The following NTNG1 variants were observed in gnomAD, a reference collection of about 807,000 sequenced individuals.
NTNG1 encodes the protein netrin-G1.
Under a neutral mutation model 54.0 loss-of-function variants are expected in NTNG1, and 16 were observed. That is an observed-to-expected ratio of 0.30 (90% CI 0.20 to 0.45). The LOEUF is 0.45. NTNG1 is among the 20% of genes least tolerant of loss of function. The pLI, the probability that NTNG1 is intolerant of heterozygous loss-of-function variation, is 1.00. For synonymous variants in NTNG1, 255 were observed against 263.1 expected (o/e 0.97, Z 0.30); for missense variants, 530 against 678.7 (o/e 0.78, Z 2.43).
At chr1:107,361,387 A>ATTTTT (rs1318405346) in intron 3 of NTNG1, among the ~76,000 whole-genome samples, 10 of 76,750 alleles carry the variant, frequency 1.3e-4, no homozygotes, top group African/African-American at 4.1e-4. Context: ...ATATATATAT[A>ATTTTT]TATATTTTTT....
chr1:107,160,598 C>T (rs1481420331), intron 2 of NTNG1, among the ~76,000 whole-genome samples: 5 of 151,858 alleles, frequency 3.3e-5, no homozygotes, highest in South Asian at 4.2e-4. Flanking sequence ...CCAGTCTGAC[C>T]CTTTCCTTGT....
intron 3 of NTNG1, among the ~76,000 whole-genome samples, chr1:107,354,468 C>CAA (rs398049560): frequency 1.7e-3 from 114 of 65,992 alleles, no homozygotes; most frequent in East Asian, 5.2e-3. Flanking sequence ...GACTCCATCT[C>CAA]AAAAAAAAAA....
At chr1:107,170,290 A>T (rs2101087881) in intron 2 of NTNG1, among the ~76,000 whole-genome samples, 1 of 152,330 alleles carries the variant, frequency 6.6e-6, no homozygotes, top group African/African-American at 2.4e-5. Context: ...AGGGAGTTTG[A>T]GCCTAAGGAA....
chr1:107,144,212 G>C (rs1007408931), intron 1 of NTNG1, among the ~76,000 whole-genome samples: 1 of 151,956 alleles, frequency 6.6e-6, no homozygotes, highest in Non-Finnish European at 1.5e-5. Flanking sequence ...AATTTTGATA[G>C]GTTATAATTT....
intron 2 of NTNG1, among the ~76,000 whole-genome samples, chr1:107,208,430 C>CAAA (rs5776882): frequency 3.1e-5 from 4 of 130,052 alleles, no homozygotes; most frequent in African/African-American, 1.2e-4. Flanking sequence ...AACATCATCT[C>CAAA]AAAAAAAAAA....
rs138611728 is a variant in NTNG1 at position 107,411,566 on chromosome 1, A to G, written c.1087+3858A>G. On this transcript the variant is annotated intron_variant, in intron 5 of 7. Coordinates refer to ENST00000370068, the MANE Select transcript of NTNG1 (RefSeq NM_001113226.3). ...ATTAATAATCGCATTCATGTTATAC[A>G]GAGAGCTGCAGTGTTTGTTTGGGTT... Among the ~76,000 whole-genome samples, 46 of 152,290 alleles carry G rather than the reference A, an allele frequency of 3.0e-4. No homozygotes were observed. In the East Asian group the frequency reaches 8.9e-3, roughly 29 times the overall value.
At chr1:107,261,380 A>G (rs752386486) in intron 2 of NTNG1, among the ~76,000 whole-genome samples, 38 of 152,308 alleles carry the variant, frequency 2.5e-4, no homozygotes, top group Non-Finnish European at 5.0e-4. Context: ...ATTTGATAAC[A>G]ATAAGGGAAT....
chr1:107,354,346 G>A (rs1016023835), intron 3 of NTNG1, among the ~76,000 whole-genome samples: 5 of 151,394 alleles, frequency 3.3e-5, no homozygotes, highest in African/African-American at 1.2e-4. Context: ...GCAGGCACCT[G>A]TAGTCCTAGC....
chr1:107,313,887 T>C (rs182694075), intron 2 of NTNG1, among the ~76,000 whole-genome samples: 17 of 152,262 alleles, frequency 1.1e-4, no homozygotes, highest in Admixed American at 1.1e-3. Context: ...AAATTCACTA[T>C]TCCAAAAAAA....
chr1:107,480,581 C>A, intron 7 of NTNG1, 30 bp from the exon 8 acceptor site: 2 of 681,300 alleles, frequency 2.9e-6, no homozygotes, highest in Non-Finnish European at 2.5e-6. Context: ...CCCGCGCCCA[C>A]CCACCCCTAC....
intron 2 of NTNG1, among the ~76,000 whole-genome samples, chr1:107,247,106 G>A (rs879436656): frequency 6.6e-6 from 1 of 152,168 alleles, no homozygotes; most frequent in Admixed American, 6.5e-5. Flanking sequence ...GAAGCCGAAA[G>A]GGTAATTCTC....
intron 7 of NTNG1, among the ~76,000 whole-genome samples, chr1:107,447,692 G>A (rs1011006854): frequency 6.6e-5 from 10 of 152,006 alleles, no homozygotes; most frequent in Non-Finnish European, 1.3e-4. Flanking sequence ...AATCAACTAT[G>A]TTCAATACGT....
intron 2 of NTNG1, among the ~76,000 whole-genome samples, chr1:107,206,279 C>T (rs1659185660): frequency 6.6e-6 from 1 of 152,144 alleles, no homozygotes; most frequent in Non-Finnish European, 1.5e-5. Flanking sequence ...TTTCTAGCTG[C>T]CCCATATCCT....
chr1:107,436,728 G>T lies in NTNG1; in HGVS notation c.1319G>T (p.Cys440Phe), dbSNP rs1193732491. The change falls in exon 7 of 8, where the codon TGT becomes TTT. Residue 440 changes from cysteine to phenylalanine, a missense_variant. Coordinates refer to ENST00000370068, the MANE Select transcript of NTNG1 (RefSeq NM_001113226.3). ...TGTAATGGCTCAGGATTTTGTGAGT[G>T]TAAGACTGGAACAACAGGGCCTAAG... ...DRCNGSGFCE[C>F]KTGTTGPKCD... 2 of 1,613,206 alleles carry T rather than the reference G, an allele frequency of 1.2e-6. No homozygotes were observed. The highest frequency in any genetic ancestry group is 1.7e-6 in the Non-Finnish European group (2 of 1,179,452).
intron 3 of NTNG1, among the ~76,000 whole-genome samples, chr1:107,390,695 C>T (rs79054148): frequency 0.024 from 3,703 of 152,202 alleles, 85 homozygotes; most frequent in Non-Finnish European, 0.032. Context: ...ATATGACATT[C>T]CTGCTTTCAG....
intron 3 of NTNG1, among the ~76,000 whole-genome samples, chr1:107,353,158 T>G (rs541159773): frequency 1.8e-4 from 27 of 152,350 alleles, no homozygotes; most frequent in Admixed American, 5.2e-4. Flanking sequence ...CTCCTAAAAA[T>G]GGGCTTTTCT....
chr1:107,208,757 G>A (rs867790328), intron 2 of NTNG1, among the ~76,000 whole-genome samples: 1 of 152,058 alleles, frequency 6.6e-6, no homozygotes, highest in African/African-American at 2.4e-5. Flanking sequence ...CCTCCCAGAG[G>A]GTGCCTCAGT....
intron 7 of NTNG1, among the ~76,000 whole-genome samples, chr1:107,468,200 TAA>T (rs1455329755): frequency 1.3e-5 from 2 of 152,216 alleles, no homozygotes; most frequent in African/African-American, 4.8e-5. Context: ...TTAAAAATCC[TAA>T]GAGGGCTTAG....
intron 7 of NTNG1, among the ~76,000 whole-genome samples, chr1:107,459,820 C>T (rs1050217628): frequency 6.6e-6 from 1 of 152,052 alleles, no homozygotes; most frequent in African/African-American, 2.4e-5. Context: ...GCATTCATAG[C>T]AGCATTTTAA....
Sources: gnomAD v4.1 joint callset for allele counts (sites outside exome capture counted in the v4.1 genomes callset) on GRCh38, gnomAD v4.1.1 for gene constraint, MANE v1.5 for transcripts, NCBI Gene and HGNC (gene_info 2026-07-23, HGNC 2026-07-21) for gene names.